The following CNTLN variants were observed in gnomAD, a reference collection of about 807,000 sequenced individuals.
CNTLN encodes the protein centlein.
CNTLN carries 212 observed loss-of-function variants against 180.0 expected under a neutral mutation model. The ratio of observed to expected loss-of-function variants is 1.18; its 90% CI spans 1.05 to 1.32. The LOEUF (loss-of-function observed/expected upper bound fraction) is 1.32, where lower values mean the gene tolerates loss of function less well. Among genes scored for constraint, CNTLN ranks in the 40% most tolerant of loss-of-function variants. The pLI, the probability that CNTLN is intolerant of heterozygous loss-of-function variation, is 0.00. For synonymous variants in CNTLN, 722 were observed against 563.1 expected (o/e 1.28, Z -3.99); for missense variants, 2,095 against 1,610.9 (o/e 1.30, Z -5.14).
rs188745901 is a variant in CNTLN at position 17,154,900 on chromosome 9, T to C, written c.449+11524T>C. Among the ~76,000 whole-genome samples, 772 of 152,342 alleles carry C rather than the reference T, an allele frequency of 5.1e-3. 5 individuals are homozygous for C. The highest frequency in any genetic ancestry group is 7.9e-3 in the Admixed American group (121 of 15,308). Reference sequence around the variant, plus strand: ...CCATACTGTGGAAGCTGTGTTCTTTTGCTCTTCACAATAAATCTTGCTGCT... The same window carrying C: ...CCATACTGTGGAAGCTGTGTTCTTTCGCTCTTCACAATAAATCTTGCTGCT... On this transcript the variant is annotated intron_variant, in intron 2 of 25. Transcript: ENST00000380647.
chr9:17,245,443 T>G (rs1053738434), intron 5 of CNTLN, among the ~76,000 whole-genome samples: 7 of 151,640 alleles, frequency 4.6e-5, no homozygotes, highest in East Asian at 1.9e-4. Context: ...TATTTGTGTT[T>G]TTTTTTTTTT....
chr9:17,148,776 G>A (rs1165702996), intron 2 of CNTLN, among the ~76,000 whole-genome samples: 1 of 152,172 alleles, frequency 6.6e-6, no homozygotes, highest in Non-Finnish European at 1.5e-5. Context: ...GCCACTTTGT[G>A]TGTACCTGCA....
rs1314116319 is a variant in CNTLN at position 17,332,654 on chromosome 9, C to A, written c.1568C>A (p.Thr523Lys). 6.2e-7 allele frequency: 1 copy of A among 1,607,986 alleles called. No homozygotes were observed. Among genetic ancestry groups the A allele is most frequent in the Admixed American group, 1.7e-5 (1 of 58,824 alleles). The change falls in exon 10 of 26, where the codon ACA becomes AAA. Residue 523 changes from threonine to lysine, a missense_variant. Coordinates refer to ENST00000380647, the MANE Select transcript of CNTLN (RefSeq NM_017738.4). ...SRSLSPKSSF[T>K]DSEELQKLRK... ...TCTTTGTCCCCAAAGAGCTCTTTCA[C>A]AGACTCAGAAGAGCTACAGAAGCTG... is the stretch of plus-strand genomic sequence containing the variant.
intron 1 of CNTLN, among the ~76,000 whole-genome samples, chr9:17,142,533 A>C (rs556982532): frequency 4.6e-5 from 7 of 152,152 alleles, no homozygotes; most frequent in Non-Finnish European, 1.0e-4. Flanking sequence ...TGGAGATGTA[A>C]GTCTGGACCT....
chr9:17,421,701 T>G (rs1177236748), intron 18 of CNTLN, among the ~76,000 whole-genome samples: 3 of 152,130 alleles, frequency 2.0e-5, no homozygotes, highest in Non-Finnish European at 2.9e-5. Flanking sequence ...AGTTTTTAAT[T>G]TCATGCTTTA....
Position 17,474,740 on chromosome 9 carries a change from C to T in CNTLN, c.3855+7849C>T, listed in dbSNP as rs143574045. ...AAAATTAGCCAGGCATGGTGGCAAG[C>T]GCCTGTAATCCCTGCTACTTTGGAG... is the stretch of plus-strand genomic sequence containing the variant. On this transcript the variant is annotated intron_variant, in intron 23 of 25. Transcript: ENST00000380647. Among the ~76,000 whole-genome samples, 737 of 152,002 alleles carry T rather than the reference C, an allele frequency of 4.8e-3. 4 individuals carry two copies. Among genetic ancestry groups the T allele is most frequent in the African/African-American group, 0.016 (675 of 41,464 alleles).
At chr9:17,342,654 G>C (rs1821576715) in intron 12 of CNTLN, among the ~76,000 whole-genome samples, 2 of 152,182 alleles carry the variant, frequency 1.3e-5, no homozygotes, top group South Asian at 2.1e-4. Context: ...ACAGAAACTG[G>C]ATAATATGAT....
At chr9:17,335,914 C>T (rs1224796834) in intron 10 of CNTLN, among the ~76,000 whole-genome samples, 1 of 129,344 alleles carries the variant, frequency 7.7e-6, no homozygotes, top group African/African-American at 2.9e-5. Flanking sequence ...TACATTCCAG[C>T]GAGTCTGTCT....
rs374864101 is a variant in CNTLN, at chr9:17,409,333, A to T, written c.2656A>T (p.Ile886Phe). 4.3e-6 allele frequency: 7 copies of T among 1,613,142 alleles called. No homozygotes were observed. The African/African-American group carries it at 8.0e-5, about 18-fold the overall frequency. The change falls in exon 16 of 26, where the codon ATT becomes TTT. Residue 886 changes from isoleucine (I) to phenylalanine (F), a missense_variant. Ile to Phe is a conservative substitution (Grantham distance 21, BLOSUM62 0). Coordinates refer to ENST00000380647, the MANE Select transcript of CNTLN (RefSeq NM_017738.4). Reference sequence around the variant, plus strand: ...ACAGACCTCTCAAACTTTGGGAACAATTATTGTAGAAACATCCCAGAAAAT... The same window carrying T: ...ACAGACCTCTCAAACTTTGGGAACATTTATTGTAGAAACATCCCAGAAAAT... The part of the protein sequence containing the change: ...EAQTSQTLGT[I>F]IVETSQKISP...
At chr9:17,163,088 G>T (rs1303283616) in intron 2 of CNTLN, among the ~76,000 whole-genome samples, 1 of 152,156 alleles carries the variant, frequency 6.6e-6, no homozygotes, top group African/African-American at 2.4e-5. Context: ...TTACATTGTG[G>T]TAGACAAAAG....
chr9:17,159,588 G>A (rs1414160845), intron 2 of CNTLN, among the ~76,000 whole-genome samples: 1 of 152,126 alleles, frequency 6.6e-6, no homozygotes, highest in Non-Finnish European at 1.5e-5. Context: ...CACTTGCGTT[G>A]GACTTAGCCT....
intron 18 of CNTLN, among the ~76,000 whole-genome samples, chr9:17,451,788 C>T (rs1248280087): frequency 6.6e-6 from 1 of 152,134 alleles, no homozygotes; most frequent in Non-Finnish European, 1.5e-5. Flanking sequence ...GTTTCAGACT[C>T]CACTATCCCA....
Position 17,135,413 on chromosome 9 carries a change from G to A in CNTLN, c.348G>A (p.Leu116=). 6.3e-7 allele frequency: 1 copy of A among 1,596,806 alleles called. No individual in the cohort carries two copies. The highest frequency in any genetic ancestry group is 8.5e-7 in the Non-Finnish European group (1 of 1,172,994). The change falls in exon 1 of 26, where the codon TTG becomes TTA. Residue 116 remains leucine (L), a synonymous_variant. Coordinates refer to ENST00000380647, the MANE Select transcript of CNTLN (RefSeq NM_017738.4). The part of the protein sequence containing the change: ...EEELSSLKEE[L]ALCQADKEFV... ...AGCTGAGCAGCCTAAAGGAGGAGTTGGCCCTGTGTCAGGTATCGAGGAGTC... is the reference window on the plus strand; with the variant it reads ...AGCTGAGCAGCCTAAAGGAGGAGTTAGCCCTGTGTCAGGTATCGAGGAGTC...
intron 3 of CNTLN, among the ~76,000 whole-genome samples, chr9:17,226,938 T>A (rs1824509692): frequency 6.6e-6 from 1 of 151,352 alleles, no homozygotes; most frequent in African/African-American, 2.4e-5. Flanking sequence ...TTTTTATATA[T>A]ATATTTTTTT....
intron 5 of CNTLN, among the ~76,000 whole-genome samples, chr9:17,246,990 T>G (rs557551890): frequency 6.6e-6 from 1 of 152,242 alleles, no homozygotes; most frequent in Non-Finnish European, 1.5e-5. Context: ...GTAATTTGGC[T>G]CAGCTGGTGT....
chr9:17,280,347 T>G (rs1828588384), intron 6 of CNTLN, among the ~76,000 whole-genome samples: 1 of 152,220 alleles, frequency 6.6e-6, no homozygotes, highest in South Asian at 2.1e-4. Context: ...ACCTAACAAT[T>G]TTATGTTCCA....
chr9:17,321,390 C>A (rs1040180578), intron 8 of CNTLN, among the ~76,000 whole-genome samples: 1 of 152,260 alleles, frequency 6.6e-6, no homozygotes, highest in East Asian at 1.9e-4. Context: ...ACTCTGAGCT[C>A]CTTGAGGGCA....
intron 11 of CNTLN, 143 bp downstream of exon 11, chr9:17,341,091 A>C (rs1390053214): frequency 4.3e-6 from 3 of 697,798 alleles, no homozygotes; most frequent in African/African-American, 3.7e-5. Flanking sequence ...TAAATGGAGA[A>C]TATAACAAAT....
At chr9:17,347,683 A>AAG (rs1237850191) in intron 12 of CNTLN, among the ~76,000 whole-genome samples, 1 of 151,548 alleles carries the variant, frequency 6.6e-6, no homozygotes. Context: ...CAAAAAAAAA[A>AAG]AAAAGAAAAA....
Sources: allele counts gnomAD v4.1 joint callset (sites outside exome capture counted in the v4.1 genomes callset), GRCh38; gene constraint gnomAD v4.1.1; transcripts MANE v1.5; gene names NCBI Gene and HGNC (gene_info 2026-07-23, HGNC 2026-07-21).